TEKTIP1: variants seen among roughly 807,000 people sequenced by gnomAD.
TEKTIP1 encodes the protein tektin bundle-interacting protein 1.
At chr19:3,543,409 C>G in the TEKTIP1 span, 2 of 1,548,218 alleles carry the variant, frequency 1.3e-6, no homozygotes, top group South Asian at 1.2e-5. Context: ...CGGCCAGCCC[C>G]TTCCGCGAGG....
the TEKTIP1 span, among the ~76,000 whole-genome samples, chr19:3,541,257 G>GC: frequency 2.0e-5 from 3 of 151,270 alleles, no homozygotes; most frequent in African/African-American, 4.9e-5. Context: ...GATCGCTTGA[G>GC]CCTAGGAGGT....
At chr19:3,541,488 A>C in the TEKTIP1 span, 12 of 180,924 alleles carry the variant, frequency 6.6e-5, 1 homozygote, top group South Asian at 2.3e-3. Context: ...ACGCCCGGCT[A>C]ATTTTTGTAT....
At chr19:3,541,911 C>T in the TEKTIP1 span, 1 of 603,712 alleles carries the variant, frequency 1.7e-6, no homozygotes, top group African/African-American at 2.0e-5. Flanking sequence ...CGGGTTCAAG[C>T]TAATTCTCCT....
At chr19:3,539,963 A>C in the TEKTIP1 span, 1 of 152,188 alleles carries the variant, frequency 6.6e-6, no homozygotes, top group African/African-American at 2.4e-5. Flanking sequence ...AATTAAACCA[A>C]GATGGTGGCT....
the TEKTIP1 span, among the ~76,000 whole-genome samples, chr19:3,540,916 A>G: frequency 6.8e-6 from 1 of 147,498 alleles, no homozygotes; most frequent in African/African-American, 2.4e-5. Flanking sequence ...CACGCCTGTA[A>G]TCCCCACATT....
the TEKTIP1 span, chr19:3,542,939 C>G: frequency 2.7e-6 from 4 of 1,483,214 alleles, no homozygotes; most frequent in Non-Finnish European, 3.6e-6. Flanking sequence ...TAGCCAGGGC[C>G]CTTGTCCTCT....
chr19:3,540,972 C>T, the TEKTIP1 span, among the ~76,000 whole-genome samples: 3,538 of 151,632 alleles, frequency 0.023, 41 homozygotes, highest in Non-Finnish European at 0.038. Flanking sequence ...AGATCAAGAC[C>T]AACCTGGCCA....
At chr19:3,540,315 T>G in the TEKTIP1 span, among the ~76,000 whole-genome samples, 5 of 151,458 alleles carry the variant, frequency 3.3e-5, no homozygotes, top group African/African-American at 1.2e-4. Flanking sequence ...TGGAACGCAA[T>G]GGTGCAATCT....
chr19:3,540,762 C>T, the TEKTIP1 span, among the ~76,000 whole-genome samples: 1 of 151,482 alleles, frequency 6.6e-6, no homozygotes, highest in African/African-American at 2.4e-5. Context: ...GCCTGTAATC[C>T]CAGCTACTTG....
At chr19:3,540,342 C>A in the TEKTIP1 span, among the ~76,000 whole-genome samples, 1 of 151,714 alleles carries the variant, frequency 6.6e-6, no homozygotes, top group African/African-American at 2.4e-5. Flanking sequence ...ACTGCAACCT[C>A]CAACTCCCTG....
At chr19:3,543,910 C>A in the TEKTIP1 span, 1 of 1,551,136 alleles carries the variant, frequency 6.4e-7, no homozygotes. Flanking sequence ...CCCCAGCGCC[C>A]GCCCGGCACC....
the TEKTIP1 span, chr19:3,542,697 G>C: frequency 2.4e-6 from 3 of 1,252,890 alleles, no homozygotes; most frequent in Non-Finnish European, 2.1e-6. Context: ...TGGCCAGGCT[G>C]GTCTCGAACT....
At chr19:3,544,022 C>T in the TEKTIP1 span, 4 of 1,525,562 alleles carry the variant, frequency 2.6e-6, no homozygotes, top group Admixed American at 2.0e-5. Context: ...GGCATGCTAC[C>T]AGGATGCACC....
the TEKTIP1 span, chr19:3,542,079 G>C: frequency 1.0e-6 from 1 of 975,162 alleles, no homozygotes; most frequent in Non-Finnish European, 1.2e-6. Flanking sequence ...CAAAGTGCTG[G>C]GATTACAGGC....
chr19:3,539,420 C>A, the TEKTIP1 span: 6 of 593,420 alleles, frequency 1.0e-5, no homozygotes, highest in East Asian at 1.7e-4. Context: ...CTGTTCCCCT[C>A]CGGCCAGTGG....
chr19:3,540,472 G>T, the TEKTIP1 span, among the ~76,000 whole-genome samples: 2 of 150,984 alleles, frequency 1.3e-5, no homozygotes, highest in Non-Finnish European at 3.0e-5. Flanking sequence ...TGGCCAGGAT[G>T]GTCTCGATCT....
the TEKTIP1 span, chr19:3,543,396 C>A: frequency 6.5e-7 from 1 of 1,548,922 alleles, no homozygotes; most frequent in African/African-American, 1.4e-5. Flanking sequence ...CTGCCACGGG[C>A]CCCGGCCAGC....
chr19:3,539,186 C>G, the TEKTIP1 span: 1 of 1,550,438 alleles, frequency 6.4e-7, no homozygotes, highest in East Asian at 2.4e-5. Flanking sequence ...ACATGCAAAC[C>G]CTCAGGCAAG....
At chr19:3,543,857 G>A in the TEKTIP1 span, 4 of 1,547,074 alleles carry the variant, frequency 2.6e-6, no homozygotes, top group Non-Finnish European at 3.5e-6. Flanking sequence ...ACGGGGTGGA[G>A]CCACTGTGGA....
Sources: allele counts gnomAD v4.1 joint callset (sites outside exome capture counted in the v4.1 genomes callset), GRCh38; gene constraint gnomAD v4.1.1; transcripts MANE v1.5; gene names NCBI Gene and HGNC (gene_info 2026-07-23, HGNC 2026-07-21).